GSG1L: variants seen among roughly 807,000 people sequenced by gnomAD.
The protein encoded by GSG1L is germ cell-specific gene 1-like protein.
In GSG1L, 24 loss-of-function variants were observed where a neutral mutation model predicts 42.1. The ratio of observed to expected loss-of-function variants is 0.57; its 90% confidence interval spans 0.41 to 0.80. The LOEUF is 0.80. Among genes scored for constraint, GSG1L ranks in the 30% least tolerant of loss-of-function variants. The pLI is 0.00. For synonymous variants in GSG1L, 215 were observed against 203.5 expected (o/e 1.06, Z -0.48); for missense variants, 445 against 472.2 (o/e 0.94, Z 0.53).
At chr16:27,908,718 C>T (rs2084348107) in intron 2 of GSG1L, among the ~76,000 whole-genome samples, 1 of 152,182 alleles carries the variant, frequency 6.6e-6, no homozygotes, top group African/African-American at 2.4e-5. Context: ...GGATGGAGCC[C>T]TCCTGACCTA....
intron 2 of GSG1L, among the ~76,000 whole-genome samples, chr16:27,910,700 C>T (rs1402284520): frequency 6.6e-6 from 1 of 152,232 alleles, no homozygotes; most frequent in Admixed American, 6.5e-5. Flanking sequence ...ATGCAGGAAC[C>T]TGCCTCAGTC....
rs373700006 is a variant in GSG1L, at chr16:27,829,201, G to T, written c.663-245C>A. On this transcript the variant is annotated intron_variant, in intron 4 of 6. Transcript: ENST00000447459. ...CATTATGGGGAGGCAAGAAGAGAGTGAATCATTCTGTCCAAGGGGGCTGGC... is the reference window on the plus strand; with the variant it reads ...CATTATGGGGAGGCAAGAAGAGAGTTAATCATTCTGTCCAAGGGGGCTGGC... Among the ~76,000 whole-genome samples, 95 of 152,294 alleles carry T rather than the reference G, an allele frequency of 6.2e-4. 2 individuals carry two copies. The South Asian group carries it at 0.019, about 31-fold the overall frequency.
chr16:27,997,309 C>CA, intron 1 of GSG1L, among the ~76,000 whole-genome samples: 1 of 70,668 alleles, frequency 1.4e-5, no homozygotes, highest in East Asian at 6.5e-4. Context: ...GTGTTCTCCA[C>CA]TTTTTTTTTT....
chr16:27,999,608 G>A (rs79090871), intron 1 of GSG1L, among the ~76,000 whole-genome samples: 3 of 152,010 alleles, frequency 2.0e-5, no homozygotes, highest in Admixed American at 6.6e-5. Context: ...TCTATATGCC[G>A]GCACTTAGCT....
rs183873834 is a variant in GSG1L at position 27,938,926 on chromosome 16, C to G, written c.397+24230G>C. Among the ~76,000 whole-genome samples, 11 of 152,300 alleles carry G rather than the reference C, an allele frequency of 7.2e-5. 1 individual carries two copies. Among genetic ancestry groups the G allele is most frequent in the Admixed American group, 7.2e-4 (11 of 15,292 alleles). On this transcript the variant is annotated intron_variant, in intron 2 of 6. Transcript: ENST00000447459. ...CTGAGCCTTCTGAATGTGTTCCAGC[C>G]TCCCAACATGAACAAACATGGACTG... is the stretch of plus-strand genomic sequence containing the variant.
At chr16:28,053,259 T>C (rs2086239046) in intron 1 of GSG1L, among the ~76,000 whole-genome samples, 1 of 152,228 alleles carries the variant, frequency 6.6e-6, no homozygotes, top group Non-Finnish European at 1.5e-5. Flanking sequence ...CCACGTTTGC[T>C]TAGAGTGTGA....
intron 2 of GSG1L, among the ~76,000 whole-genome samples, chr16:27,924,193 CA>C (rs1219513593): frequency 6.6e-6 from 1 of 150,996 alleles, no homozygotes; most frequent in Non-Finnish European, 1.5e-5. Context: ...TCTATATACA[CA>C]AATATAGACA....
intron 1 of GSG1L, among the ~76,000 whole-genome samples, chr16:28,017,904 C>G (rs940573445): frequency 6.6e-6 from 1 of 152,094 alleles, no homozygotes; most frequent in African/African-American, 2.4e-5. Context: ...TGGGGAGGGG[C>G]ACACAAGGAA....
chr16:28,008,705 G>A (rs1162088459), intron 1 of GSG1L, among the ~76,000 whole-genome samples: 3 of 152,262 alleles, frequency 2.0e-5, no homozygotes, highest in African/African-American at 7.2e-5. Flanking sequence ...GTGGCCGGCA[G>A]GGCCCTAGCC....
At position 28,063,045 on chromosome 16, in the gene GSG1L, G is replaced by A; in HGVS notation, c.349+31C>T. On this transcript the variant is annotated intron_variant, in intron 1 of 6. Coordinates refer to ENST00000447459, the MANE Select transcript of GSG1L (RefSeq NM_001109763.2). The surrounding 1 kb of genome is among the most constrained non-coding windows in gnomAD (Gnocchi z 5.8). ...GCCGCGCCGCCCCGGGGGAGCCGGA[G>A]CCGAGCTGGCCGCCGCCCGCGCGCA... The A allele has an allele frequency of 1.4e-6, 2 of 1,383,340 alleles. No individual in the cohort carries two copies. Among genetic ancestry groups the A allele is most frequent in the Non-Finnish European group, 1.9e-6 (2 of 1,063,002 alleles). 85.7% of individuals were successfully genotyped at this position (1,383,340 alleles called of 1,614,324 possible). A position where few individuals can be genotyped will look rare whatever the true frequency, so the allele number is the denominator to read the frequency against.
At chr16:27,910,740 G>C (rs914185097) in intron 2 of GSG1L, among the ~76,000 whole-genome samples, 15 of 152,238 alleles carry the variant, frequency 9.9e-5, no homozygotes, top group African/African-American at 3.1e-4. Flanking sequence ...TAGGCTGGGT[G>C]TGGTGGCTCT....
chr16:27,964,184 G>A (rs2085103389), intron 1 of GSG1L, among the ~76,000 whole-genome samples: 1 of 152,026 alleles, frequency 6.6e-6, no homozygotes, highest in Admixed American at 6.6e-5. Context: ...ACAAAAACTA[G>A]CTGGGCGTAG....
intron 1 of GSG1L, among the ~76,000 whole-genome samples, chr16:27,995,076 T>C (rs1479745025): frequency 6.6e-6 from 1 of 152,128 alleles, no homozygotes; most frequent in Non-Finnish European, 1.5e-5. Flanking sequence ...ATCCCCAAGT[T>C]CAGGGGACCA....
At chr16:27,896,430 G>A (rs921581676) in intron 2 of GSG1L, among the ~76,000 whole-genome samples, 2 of 152,180 alleles carry the variant, frequency 1.3e-5, no homozygotes, top group Non-Finnish European at 2.9e-5. Flanking sequence ...ATCTTGAGAT[G>A]GAAGGATAAA....
intron 3 of GSG1L, among the ~76,000 whole-genome samples, chr16:27,873,820 T>A (rs2083852752): frequency 6.6e-6 from 1 of 152,180 alleles, no homozygotes; most frequent in Non-Finnish European, 1.5e-5. Flanking sequence ...TCCACTACCT[T>A]GGGGAAAGGA....
chr16:28,008,330 T>C (rs1014554519), intron 1 of GSG1L, among the ~76,000 whole-genome samples: 1 of 152,242 alleles, frequency 6.6e-6, no homozygotes, highest in Non-Finnish European at 1.5e-5. Context: ...TCCACCCGCC[T>C]CGGCCTCCCA....
At chr16:27,968,500 A>G (rs2085158819) in intron 1 of GSG1L, among the ~76,000 whole-genome samples, 1 of 152,096 alleles carries the variant, frequency 6.6e-6, no homozygotes, top group South Asian at 2.1e-4. Flanking sequence ...ATTCTCCTGC[A>G]TCAACCTCCC....
chr16:27,898,266 G>C (rs577424446), intron 2 of GSG1L, among the ~76,000 whole-genome samples: 18 of 152,252 alleles, frequency 1.2e-4, no homozygotes, highest in Non-Finnish European at 1.6e-4. Flanking sequence ...ACACAGGCTG[G>C]GGGCCTGGAG....
At chr16:27,946,583 G>GAA (rs1567529756) in intron 2 of GSG1L, among the ~76,000 whole-genome samples, 195 of 24,772 alleles carry the variant, frequency 7.9e-3, no homozygotes, top group Middle Eastern at 0.017. Context: ...GAAAGAAAGA[G>GAA]AGAGAGAGAG....
Sources: allele counts gnomAD v4.1 joint callset (sites outside exome capture counted in the v4.1 genomes callset), GRCh38; gene constraint gnomAD v4.1.1; non-coding constraint Gnocchi (gnomAD v3.1); transcripts MANE v1.5; gene names NCBI Gene and HGNC (gene_info 2026-07-23, HGNC 2026-07-21).